Variants in GABRG3 observed in about 807,000 individuals in gnomAD.
GABRG3 encodes gamma-aminobutyric acid receptor subunit gamma-3.
In GABRG3, 25 loss-of-function variants were observed where a neutral mutation model predicts 48.8. That is an observed-to-expected ratio of 0.51 (90% CI 0.37 to 0.72). The LOEUF (loss-of-function observed/expected upper bound fraction) is 0.72, where lower values mean the gene tolerates loss of function less well. GABRG3 is among the 30% of genes least tolerant of loss of function. The pLI, the probability that GABRG3 is intolerant of heterozygous loss-of-function variation, is 0.00. For missense variants in GABRG3, 394 were observed against 577.9 expected, an observed-to-expected ratio of 0.68 and a Z score of 3.26; for synonymous variants, 227 against 217.6, an observed-to-expected ratio of 1.04 and a Z score of -0.38.
At chr15:27,047,417 G>C (rs1404176425) in intron 3 of GABRG3, among the ~76,000 whole-genome samples, 1 of 152,152 alleles carries the variant, frequency 6.6e-6, no homozygotes, top group Non-Finnish European at 1.5e-5. Flanking sequence ...GTGTGCCCAT[G>C]GCCTGGCTTA....
chr15:27,308,203 TATATCCAAACATATATAAAC>T (rs1372539922), intron 3 of GABRG3, among the ~76,000 whole-genome samples: 29,192 of 94,790 alleles, frequency 0.31, 11,436 homozygotes, highest in Non-Finnish European at 0.41. Context: ...AACATGTTTA[TATATCCAAACATATATAAAC>T]ATGTTTATAT....
Position 26,976,993 on chromosome 15 carries a change from T to C in GABRG3, c.54-9T>C, listed in dbSNP as rs1894962151. ...ACTTATATGTCGCATTTTTGTGCTG[T>C]AACTCCAGGTCCAGAAAGGTGGAAG... On this transcript the variant is annotated splice_polypyrimidine_tract_variant and intron_variant, in intron 1 of 9. Transcript: ENST00000615808. This position sits in a 1 kb window ranked among gnomAD's most constrained non-coding sequence, Gnocchi z 7.8. 2.5e-6 allele frequency: 4 copies of C among 1,613,780 alleles called. No individual in the cohort carries two copies. Among genetic ancestry groups the C allele is most frequent in the South Asian group, 2.2e-5 (2 of 91,080 alleles).
intron 3 of GABRG3, among the ~76,000 whole-genome samples, chr15:27,156,358 C>T (rs993282366): frequency 1.3e-5 from 2 of 151,280 alleles, no homozygotes; most frequent in Admixed American, 1.3e-4. Context: ...TTAGGATGCC[C>T]CTTTACTTGT....
chr15:27,235,862 G>A (rs1889943541), intron 3 of GABRG3, among the ~76,000 whole-genome samples: 1 of 152,140 alleles, frequency 6.6e-6, no homozygotes, highest in Admixed American at 6.5e-5. Context: ...AGATGCAGAG[G>A]TTTGCTCTGC....
At chr15:27,076,864 T>C (rs963736451) in intron 3 of GABRG3, among the ~76,000 whole-genome samples, 1 of 152,186 alleles carries the variant, frequency 6.6e-6, no homozygotes, top group Admixed American at 6.5e-5. Context: ...GGATCTCTGG[T>C]GTCCAGAGCT....
intron 5 of GABRG3, among the ~76,000 whole-genome samples, chr15:27,429,090 T>C (rs1220059840): frequency 6.6e-6 from 1 of 152,148 alleles, no homozygotes; most frequent in African/African-American, 2.4e-5. Flanking sequence ...TCTCACTGAG[T>C]CTCCTAATTG....
intron 5 of GABRG3, among the ~76,000 whole-genome samples, chr15:27,331,968 T>C (rs1893816771): frequency 6.6e-6 from 1 of 151,960 alleles, no homozygotes; most frequent in Admixed American, 6.6e-5. Context: ...AAAAAAAAAC[T>C]TGGATGCCCA....
intron 3 of GABRG3, among the ~76,000 whole-genome samples, chr15:27,316,003 T>A (rs1473688747): frequency 2.0e-5 from 3 of 152,174 alleles, no homozygotes; most frequent in African/African-American, 7.2e-5. Context: ...CTTGACAACT[T>A]TGAACGCTAT....
chr15:27,070,994 G>GT (rs778654737), intron 3 of GABRG3, among the ~76,000 whole-genome samples: 6 of 152,188 alleles, frequency 3.9e-5, no homozygotes, highest in Non-Finnish European at 5.9e-5. Context: ...AACCTGCTTG[G>GT]TGGCTGCTTT....
intron 5 of GABRG3, among the ~76,000 whole-genome samples, chr15:27,445,132 C>G (rs1028193032): frequency 1.3e-5 from 2 of 152,178 alleles, no homozygotes; most frequent in African/African-American, 4.8e-5. Context: ...CTCGGCTTCC[C>G]AAAGTGCTGG....
intron 3 of GABRG3, among the ~76,000 whole-genome samples, chr15:27,088,126 T>TGC (rs1566931752): frequency 1.3e-5 from 2 of 151,732 alleles, no homozygotes; most frequent in African/African-American, 4.8e-5. Context: ...TGTGTGTGTG[T>TGC]GCACGCATGT....
intron 3 of GABRG3, among the ~76,000 whole-genome samples, chr15:27,157,005 G>A (rs954681752): frequency 2.6e-5 from 4 of 152,184 alleles, no homozygotes; most frequent in African/African-American, 9.7e-5. Flanking sequence ...AGAGTTGCAG[G>A]AGATGAAGAC....
intron 5 of GABRG3, among the ~76,000 whole-genome samples, chr15:27,395,604 T>C (rs1887275242): frequency 6.6e-6 from 1 of 152,194 alleles, no homozygotes; most frequent in Admixed American, 6.5e-5. Context: ...GTCATCTGAA[T>C]TTCAACAAGA....
At chr15:27,404,080 G>A (rs1887560824) in intron 5 of GABRG3, among the ~76,000 whole-genome samples, 2 of 152,130 alleles carry the variant, frequency 1.3e-5, no homozygotes, top group South Asian at 2.1e-4. Context: ...AATTAGCCAC[G>A]TGTGGTGGCA....
chr15:27,039,648 TAGGACCCACTGTTTCCTGACAGTGC>T (rs1447222118), intron 3 of GABRG3, among the ~76,000 whole-genome samples: 1 of 152,208 alleles, frequency 6.6e-6, no homozygotes, highest in Non-Finnish European at 1.5e-5. Flanking sequence ...CAACTCTAAG[TAGGACCCACTGTTTCCTGACAGTGC>T]ATGCAGTTGT....
intron 6 of GABRG3, among the ~76,000 whole-genome samples, chr15:27,506,452 G>T (rs1427735444): frequency 6.6e-6 from 1 of 152,176 alleles, no homozygotes; most frequent in African/African-American, 2.4e-5. Flanking sequence ...AGGAAAGGGG[G>T]AGCTGAGTGC....
At chr15:27,398,082 G>T (rs999979308) in intron 5 of GABRG3, among the ~76,000 whole-genome samples, 2 of 152,136 alleles carry the variant, frequency 1.3e-5, no homozygotes, top group Non-Finnish European at 2.9e-5. Flanking sequence ...GGGATTACAG[G>T]TGTGAGCCAC....
intron 5 of GABRG3, among the ~76,000 whole-genome samples, chr15:27,480,151 C>T (rs1489839428): frequency 6.6e-6 from 1 of 152,224 alleles, no homozygotes; most frequent in Non-Finnish European, 1.5e-5. Context: ...ATTCACCTAT[C>T]AAAGCTGAAG....
intron 9 of GABRG3, among the ~76,000 whole-genome samples, chr15:27,529,074 GAC>G (rs934266021): frequency 2.6e-5 from 4 of 152,094 alleles, no homozygotes; most frequent in Non-Finnish European, 4.4e-5. Flanking sequence ...AAAATGACAT[GAC>G]CACCCTCACT....
Sources: gnomAD v4.1 joint callset for allele counts (sites outside exome capture counted in the v4.1 genomes callset) on GRCh38, gnomAD v4.1.1 for gene constraint, Gnocchi (gnomAD v3.1) non-coding constraint, MANE v1.5 for transcripts, NCBI Gene and HGNC (gene_info 2026-07-23, HGNC 2026-07-21) for gene names.